Variants in ZNF831 observed in about 807,000 individuals in gnomAD.
ZNF831 encodes zinc finger protein 831, also known as chromosome 20 open reading frame 174.
Under a neutral mutation model 95.8 loss-of-function variants are expected in ZNF831, and 59 were observed. That is an observed-to-expected ratio of 0.62 (90% CI 0.50 to 0.77). ZNF831 has a LOEUF of 0.77. Among genes scored for constraint, ZNF831 ranks in the 30% least tolerant of loss-of-function variants. The pLI, the probability that ZNF831 is intolerant of heterozygous loss-of-function variation, is 0.00. For synonymous variants in ZNF831, 961 were observed against 925.5 expected (o/e 1.04, Z -0.70); for missense variants, 2,205 against 2,164.0 (o/e 1.02, Z -0.38).
chr20:59,190,910 T>A, intron 1 of ZNF831, 74 bp from the exon 2 acceptor site: 1 of 1,346,322 alleles, frequency 7.4e-7, no homozygotes, highest in Non-Finnish European at 9.8e-7. Flanking sequence ...AAGTGCTTGG[T>A]GCAGGGTAGG....
intron 3 of ZNF831, among the ~76,000 whole-genome samples, chr20:59,206,098 A>C (rs1291152544): frequency 6.6e-6 from 1 of 152,212 alleles, no homozygotes; most frequent in African/African-American, 2.4e-5. Context: ...TGAGATGTAA[A>C]TACTTCGTGT....
At chr20:59,148,723 AAG>A (rs1980040631) in intron 2 of ZNF831, among the ~76,000 whole-genome samples, 3 of 88,432 alleles carry the variant, frequency 3.4e-5, no homozygotes, top group South Asian at 2.7e-4. Flanking sequence ...AAAAAAAAAA[AAG>A]AACAGAGCGT....
chr20:59,151,011 C>A lies in ZNF831; in HGVS notation c.-1281+4637C>A, dbSNP rs190550381. ...GGCCCGCCTGCCCAGATGGGAGACC[C>A]ATGAGCACAGCCTCCAGCCGTCCAT... On this transcript the variant is annotated intron_variant, in intron 2 of 7. Coordinates refer to the ZNF831 transcript ENST00000637017. Among the ~76,000 whole-genome samples, 34 of 152,346 alleles carry A rather than the reference C, an allele frequency of 2.2e-4. No homozygotes were observed. The East Asian group carries it at 6.4e-3, about 29-fold the overall frequency.
rs442091 is a variant in ZNF831 at position 59,193,344 on chromosome 20, T to C, written c.2325T>C (p.Ala775=). 0.25 allele frequency: 404,476 copies of C among 1,611,418 alleles called. 54,278 individuals carry two copies. The highest frequency in any genetic ancestry group is 0.52 in the African/African-American group (38,961 of 74,870). Residue 775 remains alanine, a synonymous_variant, in exon 2 of 6, where the codon GCT becomes GCC. Transcript: ENST00000371030. ...CCCTCAAAGGGGGTGATGTAGAGGC[T>C]CCCAGGCCAGTTTGGCCGGACCCCA... ...PGPLKGGDVE[A]PRPVWPDPKL...
At chr20:59,134,680 G>A (rs1979449398) in intron 1 of ZNF831, among the ~76,000 whole-genome samples, 1 of 152,196 alleles carries the variant, frequency 6.6e-6, no homozygotes, top group African/African-American at 2.4e-5. Flanking sequence ...GCTCCCCATA[G>A]ACTGGCTGCG....
intron 1 of ZNF831, among the ~76,000 whole-genome samples, chr20:59,189,758 G>A (rs1182226351): frequency 6.6e-6 from 1 of 152,148 alleles, no homozygotes; most frequent in Non-Finnish European, 1.5e-5. Flanking sequence ...TGATCCGCCC[G>A]CCTCGGCCTC....
chr20:59,200,180 G>A (rs1984424995), intron 3 of ZNF831, among the ~76,000 whole-genome samples: 1 of 152,090 alleles, frequency 6.6e-6, no homozygotes, highest in Admixed American at 6.5e-5. Context: ...ATAGATGTAT[G>A]TTGCTTTTTA....
At chr20:59,245,551 G>A (rs1987550857) in intron 4 of ZNF831, among the ~76,000 whole-genome samples, 1 of 152,138 alleles carries the variant, frequency 6.6e-6, no homozygotes, top group Non-Finnish European at 1.5e-5. Context: ...TGTGTAGCAG[G>A]GTTGCTGGTC....
intron 1 of ZNF831, among the ~76,000 whole-genome samples, chr20:59,124,165 G>T (rs905566946): frequency 2.0e-5 from 3 of 152,124 alleles, no homozygotes; most frequent in African/African-American, 4.8e-5. Flanking sequence ...TCCTATGGCC[G>T]TTTCTTTTCC....
intron 1 of ZNF831, among the ~76,000 whole-genome samples, chr20:59,140,894 G>C (rs1002779902): frequency 6.6e-6 from 1 of 152,124 alleles, no homozygotes; most frequent in Non-Finnish European, 1.5e-5. Context: ...CAGAGCAATA[G>C]TTTTAAATTT....
Position 59,208,730 on chromosome 20 carries a change from C to T in ZNF831, c.4027+1674C>T, listed in dbSNP as rs1985081043. 6.6e-6 allele frequency among the ~76,000 whole-genome samples: 1 copy of T among 152,168 alleles called. No individual in the cohort carries two copies. Among genetic ancestry groups the T allele is most frequent in the African/African-American group, 2.4e-5 (1 of 41,436 alleles). On this transcript the variant is annotated intron_variant, in intron 4 of 5. Coordinates refer to ENST00000371030, the MANE Select transcript of ZNF831 (RefSeq NM_178457.3). The surrounding 1 kb of genome is among the most constrained non-coding windows in gnomAD (Gnocchi z 4.2). ...TCCCTCACTTTTGCCCCCATCAGCT[C>T]CAGTTCTTGAATTTTCCTTTATGGG...
rs547148575 is a variant in ZNF831, at chr20:59,191,991, G to A, written c.972G>A (p.Glu324=). The A allele has an allele frequency of 4.4e-6, 7 of 1,607,090 alleles. No homozygotes were observed. Among genetic ancestry groups the A allele is most frequent in the Non-Finnish European group, 5.1e-6 (6 of 1,177,970 alleles). ...ALQRQQATAA[E]KPWDAKAPEG... Reference sequence around the variant, plus strand: ...AGCGGCAGCAGGCGACGGCAGCGGAGAAGCCCTGGGATGCCAAGGCCCCCG... The same window carrying A: ...AGCGGCAGCAGGCGACGGCAGCGGAAAAGCCCTGGGATGCCAAGGCCCCCG... The change falls in exon 2 of 6, where the codon GAG becomes GAA. Residue 324 remains glutamate, a synonymous_variant. Transcript: ENST00000371030.
At chr20:59,234,451 T>C (rs953406330) in intron 4 of ZNF831, among the ~76,000 whole-genome samples, 4 of 152,192 alleles carry the variant, frequency 2.6e-5, no homozygotes, top group Admixed American at 6.5e-5. Context: ...GACAGTACAA[T>C]ACCCCAAATA....
chr20:59,222,096 T>C (rs1986115474), intron 4 of ZNF831, among the ~76,000 whole-genome samples: 1 of 152,212 alleles, frequency 6.6e-6, no homozygotes, highest in East Asian at 1.9e-4. Flanking sequence ...CCTCCTCCTG[T>C]CTCCCAGCTT....
intron 3 of ZNF831, among the ~76,000 whole-genome samples, chr20:59,201,316 A>G (rs1160899305): frequency 1.3e-5 from 2 of 152,178 alleles, no homozygotes; most frequent in African/African-American, 4.8e-5. Flanking sequence ...TCTTTTGCGC[A>G]TCAAAAATGG....
At chr20:59,222,484 C>T (rs972483708) in intron 4 of ZNF831, among the ~76,000 whole-genome samples, 4 of 151,712 alleles carry the variant, frequency 2.6e-5, no homozygotes, top group Non-Finnish European at 5.9e-5. Flanking sequence ...CTCTGTTTTT[C>T]TCTCTCTCTT....
chr20:59,189,043 T>A (rs1983293756), intron 1 of ZNF831, among the ~76,000 whole-genome samples: 1 of 152,024 alleles, frequency 6.6e-6, no homozygotes, highest in South Asian at 2.1e-4. Flanking sequence ...TAGCTGGGCA[T>A]GGTGGCGCAC....
intron 4 of ZNF831, among the ~76,000 whole-genome samples, chr20:59,249,481 A>G (rs1425355140): frequency 6.6e-6 from 1 of 152,066 alleles, no homozygotes; most frequent in Non-Finnish European, 1.5e-5. Context: ...GAAGCTCTTG[A>G]GGGCCAGCGT....
At chr20:59,135,579 A>C (rs1009097453) in intron 1 of ZNF831, among the ~76,000 whole-genome samples, 44 of 152,068 alleles carry the variant, frequency 2.9e-4, no homozygotes, top group Non-Finnish European at 4.1e-4. Context: ...AAAATACAAA[A>C]AATTAGCCAG....
Sources: gnomAD v4.1 joint callset for allele counts (sites outside exome capture counted in the v4.1 genomes callset) on GRCh38, gnomAD v4.1.1 for gene constraint, Gnocchi (gnomAD v3.1) non-coding constraint, MANE v1.5 for transcripts, NCBI Gene and HGNC (gene_info 2026-07-23, HGNC 2026-07-21) for gene names.